TOX3: variants seen among roughly 807,000 people sequenced by gnomAD.
TOX3 encodes the protein TOX high mobility group box family member 3.
A neutral mutation model predicts 64.3 loss-of-function variants in TOX3; 22 were observed. The observed-to-expected ratio is 0.34, with a 90% CI of 0.24 to 0.49. The LOEUF (loss-of-function observed/expected upper bound fraction) is 0.49, where lower values mean the gene tolerates loss of function less well. Among genes scored for constraint, TOX3 ranks in the 20% least tolerant of loss-of-function variants. The pLI is 0.99. For missense variants in TOX3, 661 were observed against 714.4 expected (o/e 0.93, Z 0.85); for synonymous variants, 291 against 273.6 (o/e 1.06, Z -0.63).
At chr16:52,542,749 T>C (rs745627843) in intron 1 of TOX3, among the ~76,000 whole-genome samples, 6 of 152,334 alleles carry the variant, frequency 3.9e-5, no homozygotes, top group African/African-American at 9.6e-5. Context: ...CCTGTCGTGA[T>C]AGGATACAGG....
intron 3 of TOX3, among the ~76,000 whole-genome samples, chr16:52,460,542 A>C (rs1347404920): frequency 6.6e-6 from 1 of 152,160 alleles, no homozygotes; most frequent in Non-Finnish European, 1.5e-5. Flanking sequence ...AAAATAATCT[A>C]TATGGTAATT....
chr16:52,541,708 G>C (rs1963081081), intron 1 of TOX3, among the ~76,000 whole-genome samples: 1 of 152,156 alleles, frequency 6.6e-6, no homozygotes, highest in South Asian at 2.1e-4. Context: ...TACATGCATT[G>C]ACTTCATTTG....
intron 1 of TOX3, among the ~76,000 whole-genome samples, chr16:52,492,564 AATATATATATATATATAT>A (rs56848244): frequency 1.3e-4 from 12 of 90,694 alleles, no homozygotes; most frequent in African/African-American, 5.0e-4. Context: ...GTTGTATATA[AATATATATATATATATAT>A]ATATATATAT....
At chr16:52,465,617 A>C (rs1447225770) in intron 2 of TOX3, among the ~76,000 whole-genome samples, 2 of 151,778 alleles carry the variant, frequency 1.3e-5, no homozygotes, top group African/African-American at 4.8e-5. Context: ...TGAGTCTGCT[A>C]TTATCAGTTA....
At chr16:52,495,984 G>A (rs1455268875) in intron 1 of TOX3, among the ~76,000 whole-genome samples, 2 of 152,106 alleles carry the variant, frequency 1.3e-5, no homozygotes, top group African/African-American at 4.8e-5. Flanking sequence ...TGCTATATCA[G>A]TTTTACTAAA....
At chr16:52,508,367 G>GGT (rs1319966810) in intron 1 of TOX3, among the ~76,000 whole-genome samples, 7 of 152,048 alleles carry the variant, frequency 4.6e-5, no homozygotes, top group Non-Finnish European at 1.0e-4. Context: ...CATACACAAG[G>GGT]GTGTTTGCAG....
intron 3 of TOX3, among the ~76,000 whole-genome samples, chr16:52,459,419 G>A (rs1044995224): frequency 6.6e-6 from 1 of 152,162 alleles, no homozygotes; most frequent in Non-Finnish European, 1.5e-5. Flanking sequence ...TTATAATTTA[G>A]AGTTCATGCA....
intron 1 of TOX3, among the ~76,000 whole-genome samples, chr16:52,487,473 G>A (rs1961563752): frequency 1.3e-5 from 2 of 152,114 alleles, no homozygotes; most frequent in Admixed American, 6.5e-5. Context: ...CTAAAGGAGG[G>A]TCAGTTCAAA....
chr16:52,537,878 TAAAA>T (rs57403617), intron 1 of TOX3, among the ~76,000 whole-genome samples: 30,146 of 111,386 alleles, frequency 0.27, 2,240 homozygotes, highest in East Asian at 0.43. Flanking sequence ...GCTGATATGA[TAAAA>T]AAAAAAAAAA....
chr16:52,494,040 A>G (rs1240734802), intron 1 of TOX3, among the ~76,000 whole-genome samples: 1 of 152,110 alleles, frequency 6.6e-6, no homozygotes, highest in African/African-American at 2.4e-5. Flanking sequence ...TTCACCCACA[A>G]CTGTAATAAT....
intron 1 of TOX3, among the ~76,000 whole-genome samples, chr16:52,471,811 C>T (rs1390480891): frequency 6.6e-6 from 1 of 152,126 alleles, no homozygotes; most frequent in African/African-American, 2.4e-5. Flanking sequence ...TCTATTTTCC[C>T]AACACCCAGT....
chr16:52,541,225 A>G (rs1963072029), intron 1 of TOX3, among the ~76,000 whole-genome samples: 1 of 152,114 alleles, frequency 6.6e-6, no homozygotes, highest in Non-Finnish European at 1.5e-5. Context: ...ATGATCACAA[A>G]TTATTTTTTA....
chr16:52,499,298 C>A (rs930952501), intron 1 of TOX3, among the ~76,000 whole-genome samples: 9 of 152,170 alleles, frequency 5.9e-5, no homozygotes, highest in Non-Finnish European at 1.0e-4. Flanking sequence ...TACTTCGAAA[C>A]GACATGCAAA....
At position 52,536,674 on chromosome 16, in the gene TOX3, T is replaced by C. The variant is rs75411441; in HGVS notation, c.87+9963A>G. Among the ~76,000 whole-genome samples, 278 of 89,878 alleles carry C rather than the reference T, an allele frequency of 3.1e-3. 10 individuals are homozygous for C. Among genetic ancestry groups the C allele is most frequent in the East Asian group, 0.025 (72 of 2,848 alleles). The allele number at this position is 89,878 out of a possible 152,430, so 59.0% of individuals were successfully genotyped here. On this transcript the variant is annotated intron_variant, in intron 1 of 6. Transcript: ENST00000219746. ...ATATATATATATATATATATATATA[T>C]ATACATGTGTATATATAGAACAAGA...
chr16:52,527,020 C>T (rs960748703), intron 1 of TOX3, among the ~76,000 whole-genome samples: 4 of 152,156 alleles, frequency 2.6e-5, no homozygotes, highest in Admixed American at 2.6e-4. Context: ...GCGGTCACTA[C>T]TGTCTGGAAA....
At chr16:52,470,314 G>A (rs977513388) in intron 1 of TOX3, among the ~76,000 whole-genome samples, 1 of 152,082 alleles carries the variant, frequency 6.6e-6, no homozygotes, top group African/African-American at 2.4e-5. Context: ...TGAGTATTCC[G>A]TGCACCAGTC....
At chr16:52,523,553 T>C (rs972563485) in intron 1 of TOX3, among the ~76,000 whole-genome samples, 42 of 152,292 alleles carry the variant, frequency 2.8e-4, no homozygotes, top group African/African-American at 1.0e-3. Context: ...TCCCCTCTCA[T>C]TGAAGACAGG....
intron 6 of TOX3, among the ~76,000 whole-genome samples, chr16:52,440,749 T>C (rs1959945575): frequency 8.2e-6 from 1 of 122,334 alleles, no homozygotes; most frequent in Non-Finnish European, 1.7e-5. Context: ...TTTTTCTTTC[T>C]TTCTTTTTTT....
intron 1 of TOX3, among the ~76,000 whole-genome samples, chr16:52,496,955 T>C (rs113006302): frequency 0.013 from 2,036 of 152,170 alleles, 57 homozygotes; most frequent in African/African-American, 0.045. Flanking sequence ...ACAAAACCCC[T>C]GCAATCAAAT....
Sources: gnomAD v4.1 joint callset for allele counts (sites outside exome capture counted in the v4.1 genomes callset) on GRCh38, gnomAD v4.1.1 for gene constraint, MANE v1.5 for transcripts, NCBI Gene and HGNC (gene_info 2026-07-23, HGNC 2026-07-21) for gene names.